Variants in RBFOX1 observed in about 807,000 individuals in gnomAD.
The protein encoded by RBFOX1 is RNA binding protein fox-1 homolog 1.
RBFOX1 carries 8 observed loss-of-function variants against 57.7 expected under a neutral mutation model. The observed-to-expected ratio is 0.14, with a 90% CI of 0.08 to 0.25. The LOEUF (loss-of-function observed/expected upper bound fraction) is 0.25. Among genes scored for constraint, RBFOX1 ranks in the 10% least tolerant of loss-of-function variants. The pLI is 1.00. For synonymous variants in RBFOX1, 326 were observed against 222.4 expected, an observed-to-expected ratio of 1.47 and a Z score of -4.15; for missense variants, 611 against 548.5, an observed-to-expected ratio of 1.11 and a Z score of -1.14.
intron 1 of RBFOX1, among the ~76,000 whole-genome samples, chr16:5,394,749 A>C (rs573313858): frequency 6.6e-6 from 1 of 151,942 alleles, no homozygotes; most frequent in Non-Finnish European, 1.5e-5. Flanking sequence ...GGGTCTCACC[A>C]TGTTGTCCAG....
Position 6,492,093 on chromosome 16 carries a change from A to G in RBFOX1, c.-63-162510A>G, listed in dbSNP as rs542209646. ...ACATGAATATAGGTTTTGGAAAAATAAACATAAATAGCAAGTATATGAAAG... is the reference window on the plus strand; with the variant it reads ...ACATGAATATAGGTTTTGGAAAAATGAACATAAATAGCAAGTATATGAAAG... On this transcript the variant is annotated intron_variant, in intron 2 of 15. Transcript: ENST00000550418. 4.7e-5 allele frequency among the ~76,000 whole-genome samples: 7 copies of G among 149,372 alleles called. No homozygotes were observed. The South Asian group carries it at 1.1e-3, about 23-fold the overall frequency.
At chr16:5,794,057 G>C (rs1200019293) in intron 3 of RBFOX1, among the ~76,000 whole-genome samples, 1 of 152,166 alleles carries the variant, frequency 6.6e-6, no homozygotes, top group Non-Finnish European at 1.5e-5. Flanking sequence ...GTGGTTAAGG[G>C]AATGAGCATT....
At chr16:5,340,714 A>G (rs1476058714) in intron 1 of RBFOX1, among the ~76,000 whole-genome samples, 2 of 152,266 alleles carry the variant, frequency 1.3e-5, no homozygotes, top group Non-Finnish European at 1.5e-5. Flanking sequence ...CAAGTAATCA[A>G]TTCATTTATA....
intron 4 of RBFOX1, among the ~76,000 whole-genome samples, chr16:7,320,320 C>T (rs1030377944): frequency 6.6e-6 from 1 of 152,060 alleles, no homozygotes; most frequent in African/African-American, 2.4e-5. Context: ...TGAGTGAGAA[C>T]ATGGAGTGTC....
chr16:7,458,617 C>T (rs2150436441), intron 4 of RBFOX1, among the ~76,000 whole-genome samples: 1 of 152,288 alleles, frequency 6.6e-6, no homozygotes, highest in Admixed American at 6.5e-5. Flanking sequence ...CCTTGAATAT[C>T]ATAGGAATAT....
At chr16:6,293,057 G>A (rs58330268) in intron 1 of RBFOX1, among the ~76,000 whole-genome samples, 29,659 of 151,918 alleles carry the variant, frequency 0.2, 3,054 homozygotes, top group African/African-American at 0.21. Flanking sequence ...TTAGCTCCAA[G>A]TCTTATCTAC....
chr16:7,412,323 G>C (rs1398822437), intron 4 of RBFOX1, among the ~76,000 whole-genome samples: 1 of 151,050 alleles, frequency 6.6e-6, no homozygotes, highest in Non-Finnish European at 1.5e-5. Flanking sequence ...GCTGAGGCAG[G>C]AGAATCACTT....
chr16:6,385,147 C>T (rs2092157464), intron 2 of RBFOX1, among the ~76,000 whole-genome samples: 1 of 152,176 alleles, frequency 6.6e-6, no homozygotes, highest in Non-Finnish European at 1.5e-5. Flanking sequence ...ATGGTGTCAT[C>T]ATGGGAAGAT....
intron 4 of RBFOX1, among the ~76,000 whole-genome samples, chr16:7,379,796 C>G (rs1458864784): frequency 1.3e-5 from 2 of 150,122 alleles, no homozygotes; most frequent in African/African-American, 2.4e-5. Context: ...CTGCCTGCCT[C>G]CCTGCCTGCC....
chr16:5,913,175 G>C (rs75449768), intron 4 of RBFOX1, among the ~76,000 whole-genome samples: 4,564 of 152,256 alleles, frequency 0.03, 222 homozygotes, highest in African/African-American at 0.11. Context: ...AGGTTGACCT[G>C]GCTTAATAGG....
At chr16:6,184,461 A>G (rs1018662600) in intron 1 of RBFOX1, among the ~76,000 whole-genome samples, 1 of 152,196 alleles carries the variant, frequency 6.6e-6, no homozygotes, top group African/African-American at 2.4e-5. Context: ...GAGTTTGGAT[A>G]TATTTCCAAA....
intron 4 of RBFOX1, among the ~76,000 whole-genome samples, chr16:7,313,630 TAATC>T (rs372583758): frequency 7.2e-4 from 110 of 152,164 alleles, no homozygotes; most frequent in African/African-American, 2.4e-3. Flanking sequence ...AATAATGAAA[TAATC>T]AATAACTTTT....
intron 3 of RBFOX1, among the ~76,000 whole-genome samples, chr16:6,670,703 C>T (rs1214663813): frequency 1.3e-5 from 2 of 152,052 alleles, no homozygotes; most frequent in African/African-American, 2.4e-5. Context: ...TGCTATAAAA[C>T]TGGTTTCCTT....
At chr16:7,661,370 C>G (rs538659889) in intron 12 of RBFOX1, among the ~76,000 whole-genome samples, 34 of 152,186 alleles carry the variant, frequency 2.2e-4, no homozygotes, top group Non-Finnish European at 4.1e-4. Flanking sequence ...CCCCCCAGCC[C>G]TCCAAGAAGC....
At chr16:7,220,748 T>C (rs866124397) in intron 4 of RBFOX1, among the ~76,000 whole-genome samples, 1 of 149,234 alleles carries the variant, frequency 6.7e-6, no homozygotes, top group Non-Finnish European at 1.5e-5. Flanking sequence ...GTGTGGAATT[T>C]CCAGGCCCAC....
At chr16:6,893,883 G>A (rs774322828) in intron 3 of RBFOX1, among the ~76,000 whole-genome samples, 1 of 152,182 alleles carries the variant, frequency 6.6e-6, no homozygotes, top group Non-Finnish European at 1.5e-5. Context: ...TAGGTTGTCT[G>A]ATAGGGTCAG....
chr16:7,318,949 C>A (rs543037089), intron 4 of RBFOX1, among the ~76,000 whole-genome samples: 2 of 152,196 alleles, frequency 1.3e-5, no homozygotes, highest in African/African-American at 2.4e-5. Flanking sequence ...ATAAATAGCG[C>A]CTGCAAATGT....
chr16:6,186,601 A>T (rs2097106855), intron 1 of RBFOX1, among the ~76,000 whole-genome samples: 1 of 152,030 alleles, frequency 6.6e-6, no homozygotes, highest in African/African-American at 2.4e-5. Context: ...AGATAGGGAG[A>T]GTGTGGCTTG....
At position 5,411,841 on chromosome 16, in the gene RBFOX1, C is replaced by T. The variant is rs142721832; in HGVS notation, c.220-55375C>T. On this transcript the variant is annotated intron_variant, in intron 1 of 2. Transcript: ENST00000585867. ...GAGGCTGCAATGAACTCTGATTGCA[C>T]CACTGCACTCCAGCCTGGGTGACAG... 1.2e-3 allele frequency among the ~76,000 whole-genome samples: 184 copies of T among 152,208 alleles called. 1 individual carries two copies. Among genetic ancestry groups the T allele is most frequent in the African/African-American group, 4.0e-3 (168 of 41,508 alleles).
Sources: gnomAD v4.1 joint callset for allele counts (sites outside exome capture counted in the v4.1 genomes callset) on GRCh38, gnomAD v4.1.1 for gene constraint, MANE v1.5 for transcripts, NCBI Gene and HGNC (gene_info 2026-07-23, HGNC 2026-07-21) for gene names.